ATP5PF: variants seen among roughly 807,000 people sequenced by gnomAD.
ATP5PF encodes the protein ATP synthase peripheral stalk subunit F6, also known as ATP synthase peripheral stalk subunit F6, mitochondrial.
A neutral mutation model predicts 12.0 loss-of-function variants in ATP5PF; 7 were observed. The observed-to-expected ratio is 0.58, with a 90% CI of 0.33 to 1.10. The LOEUF (loss-of-function observed/expected upper bound fraction) is 1.10, where lower values mean the gene tolerates loss of function less well. Among genes scored for constraint, ATP5PF ranks in the 50% least tolerant of loss-of-function variants. The pLI is 0.03. For missense variants in ATP5PF, 120 were observed against 127.7 expected (o/e 0.94, Z 0.29); for synonymous variants, 41 against 45.4 (o/e 0.90, Z 0.39).
At chr21:25,732,394 C>T (rs2034807157) in intron 1 of ATP5PF, among the ~76,000 whole-genome samples, 1 of 152,122 alleles carries the variant, frequency 6.6e-6, no homozygotes, top group Non-Finnish European at 1.5e-5. Flanking sequence ...TGCCTGTAAT[C>T]CCAGCACTTT....
chr21:25,732,985 C>CAA (rs370858284), intron 1 of ATP5PF, among the ~76,000 whole-genome samples: 6,953 of 47,674 alleles, frequency 0.15, 2,379 homozygotes, highest in East Asian at 0.2. Flanking sequence ...AACTCTGTCT[C>CAA]AAAAAAAAAA....
intron 2 of ATP5PF, among the ~76,000 whole-genome samples, 193 bp from the exon 3 acceptor site, chr21:25,725,543 G>A (rs867983113): frequency 1.3e-5 from 2 of 151,824 alleles, no homozygotes; most frequent in Non-Finnish European, 2.9e-5. Context: ...TGGTTCAAGC[G>A]ATTCTCCTGT....
rs914063273 is a variant in ATP5PF at position 25,732,110 on chromosome 21, T to C, written c.-7-2309A>G. ...TCGCACAATAGTTCTCAAAATAGGG[T>C]TGGGGGTGGGGGAAGAAGTGAGTTT... On this transcript the variant is annotated intron_variant, in intron 1 of 3. Coordinates refer to ENST00000284971, the MANE Select transcript of ATP5PF (RefSeq NM_001003703.2). 3.5e-4 allele frequency among the ~76,000 whole-genome samples: 53 copies of C among 151,994 alleles called. 1 individual carries two copies. The highest frequency in any genetic ancestry group is 9.8e-4 in the Admixed American group (15 of 15,272).
In ATP5PF at chr21:25,734,854, T is replaced by C. The variant is rs769666477; in HGVS notation, c.-9A>G. On this transcript the variant is annotated splice_region_variant and 5_prime_UTR_variant, in exon 1 of 4. Transcript: ENST00000284971. ...TGATCTAGCTACCCTCCCAGTCACC[T>C]TGCACTCAGTCCCGAGCTGCCAAAG... The C allele has an allele frequency of 3.9e-6, 6 of 1,540,688 alleles. No individual in the cohort carries two copies. Among genetic ancestry groups the C allele is most frequent in the African/African-American group, 1.4e-5 (1 of 73,056 alleles).
chr21:25,724,512 AATAAT>A lies in ATP5PF; in HGVS notation c.*123_*127del, dbSNP rs1340713037. On this transcript the variant is annotated 3_prime_UTR_variant, in exon 4 of 4. Coordinates refer to ENST00000284971, the MANE Select transcript of ATP5PF (RefSeq NM_001003703.2). ...ATCAAGAACACACTCAACATCACCA[AATAAT>A]TTATTTGGACTCAGAATTAAAAGAA... 9.2e-7 allele frequency: 1 copy of A among 1,092,462 alleles called. No individual in the cohort carries two copies. Among genetic ancestry groups the A allele is most frequent in the African/African-American group, 1.6e-5 (1 of 61,884 alleles). The allele number at this position is 1,092,462 out of a possible 1,614,324, so 67.7% of individuals were successfully genotyped here.
At chr21:25,734,430 T>G in intron 1 of ATP5PF, 6 of 963,554 alleles carry the variant, frequency 6.2e-6, no homozygotes, top group Non-Finnish European at 7.4e-6. Context: ...CGTTTTTAGG[T>G]GGGATGCAAA....
intron 1 of ATP5PF, 129 bp from the exon 2 acceptor site, chr21:25,729,930 C>CTGAAGG: frequency 9.5e-7 from 1 of 1,049,326 alleles, no homozygotes; most frequent in Admixed American, 2.9e-5. Context: ...CTATACCTGA[C>CTGAAGG]CACAGTTCCC....
chr21:25,724,928 AGAT>A (rs1271368763), intron 3 of ATP5PF: 5 of 583,578 alleles, frequency 8.6e-6, no homozygotes, highest in Admixed American at 7.3e-5. Context: ...CCCAAATGTC[AGAT>A]GAGGAGACAT....
intron 1 of ATP5PF, among the ~76,000 whole-genome samples, chr21:25,730,736 C>CACAAAAAAAAAAAAAAAAAAAAAAAA (rs1219090743): frequency 2.2e-4 from 7 of 31,894 alleles, no homozygotes; most frequent in East Asian, 6.7e-4. Flanking sequence ...CTCCGTCTCA[C>CACAAAAAAAAAAAAAAAAAAAAAAAA]AAAAAAAAAA....
rs187155280 is a variant in ATP5PF at position 25,734,841 on chromosome 21, C to A, written c.-8+12G>T. 5.9e-5 allele frequency: 91 copies of A among 1,535,074 alleles called. No homozygotes were observed. In the East Asian group the frequency reaches 2.2e-3, roughly 36 times the overall value. ...CAAAAGGCCACGCTGATCTAGCTACCCTCCCAGTCACCTTGCACTCAGTCC... is the reference window on the plus strand; with the variant it reads ...CAAAAGGCCACGCTGATCTAGCTACACTCCCAGTCACCTTGCACTCAGTCC... On this transcript the variant is annotated intron_variant, in intron 1 of 3. Transcript: ENST00000284971.
At chr21:25,729,458 T>A (rs2034699122) in intron 2 of ATP5PF, among the ~76,000 whole-genome samples, 173 bp downstream of exon 2, 1 of 152,158 alleles carries the variant, frequency 6.6e-6, no homozygotes, top group Non-Finnish European at 1.5e-5. Context: ...GTTTCTGACT[T>A]AAAAAAATCA....
intron 1 of ATP5PF, 59 bp from the exon 2 acceptor site, chr21:25,729,860 T>A: frequency 6.5e-7 from 1 of 1,527,340 alleles, no homozygotes; most frequent in Non-Finnish European, 8.9e-7. Context: ...CACCTCTAAA[T>A]ATATCATGAG....
chr21:25,733,546 A>C (rs2034871289), intron 1 of ATP5PF, among the ~76,000 whole-genome samples: 1 of 152,102 alleles, frequency 6.6e-6, no homozygotes, highest in South Asian at 2.1e-4. Flanking sequence ...GTATCTGGTC[A>C]AAGTTACACA....
chr21:25,734,921 C>T (rs1248387581), upstream of ATP5PF: 1 of 1,570,920 alleles, frequency 6.4e-7, no homozygotes, highest in Non-Finnish European at 8.6e-7. Context: ...GGCCCTGGCT[C>T]CGCCCCCACA....
Position 25,734,892 on chromosome 21 carries a change from C to A in ATP5PF, c.-47G>T. 1 of 1,557,114 alleles carries A rather than the reference C, an allele frequency of 6.4e-7. No homozygotes were observed. The highest frequency in any genetic ancestry group is 8.7e-7 in the Non-Finnish European group (1 of 1,154,128). On this transcript the variant is annotated 5_prime_UTR_variant, in exon 1 of 4. Coordinates refer to ENST00000284971, the MANE Select transcript of ATP5PF (RefSeq NM_001003703.2). ...CGAGCTGCCAAAGCCTCCGCCGCCA[C>A]CACCTCCGCTCTACTTCCGGCCCTG...
chr21:25,724,655 T>C lies in ATP5PF; in HGVS notation c.312A>G (p.Glu104=). 2 of 1,596,344 alleles carry C rather than the reference T, an allele frequency of 1.3e-6. No homozygotes were observed. Among genetic ancestry groups the C allele is most frequent in the Non-Finnish European group, 1.7e-6 (2 of 1,175,556 alleles). The change falls in exon 4 of 4, where the codon GAA becomes GAG. Residue 104 remains glutamate (E), a synonymous_variant. Transcript: ENST00000284971. ...CTTTATTTCTTCAGGCCTGGGGTTTTTCGATGACTTCAAATTTGGGATCTA... is the reference window on the plus strand; with the variant it reads ...CTTTATTTCTTCAGGCCTGGGGTTTCTCGATGACTTCAAATTTGGGATCTA... ...KFEDPKFEVI[E]KPQA is the part of the protein sequence containing the mutation.
intron 1 of ATP5PF, among the ~76,000 whole-genome samples, chr21:25,732,080 T>C (rs2034796240): frequency 6.6e-6 from 1 of 152,160 alleles, no homozygotes; most frequent in African/African-American, 2.4e-5. Context: ...TAGAAAACTG[T>C]AGAGTCGCAC....
In ATP5PF at chr21:25,729,623, T is replaced by G; in HGVS notation, c.164+8A>C. 1 of 1,596,692 alleles carries G rather than the reference T, an allele frequency of 6.3e-7. No homozygotes were observed. Among genetic ancestry groups the G allele is most frequent in the Non-Finnish European group, 8.5e-7 (1 of 1,170,846 alleles). ...TTATATTTACACTGTAGTTATTTAT[T>G]CACTTACTGTCGCTTAGATTTGTAT... On this transcript the variant is annotated splice_region_variant and intron_variant, in intron 2 of 3. Transcript: ENST00000284971.
chr21:25,729,401 G>A (rs1382607140), intron 2 of ATP5PF, among the ~76,000 whole-genome samples: 1 of 152,110 alleles, frequency 6.6e-6, no homozygotes, highest in Non-Finnish European at 1.5e-5. Context: ...ATTTTAAACA[G>A]CAATAAATTT....
Sources: gnomAD v4.1 joint callset for allele counts (sites outside exome capture counted in the v4.1 genomes callset) on GRCh38, gnomAD v4.1.1 for gene constraint, MANE v1.5 for transcripts, NCBI Gene and HGNC (gene_info 2026-07-23, HGNC 2026-07-21) for gene names.